The following FLI1 variants were observed in gnomAD, a reference collection of about 807,000 sequenced individuals.
FLI1 encodes Friend leukemia integration 1 transcription factor.
A neutral mutation model predicts 53.1 loss-of-function variants in FLI1; 13 were observed. The observed-to-expected ratio is 0.24, with a 90% CI of 0.16 to 0.39. FLI1 has a LOEUF of 0.39. FLI1 is among the 10% of genes least tolerant of loss of function. The pLI is 1.00. For missense variants in FLI1, 424 were observed against 600.5 expected, an observed-to-expected ratio of 0.71 and a Z score of 3.07; for synonymous variants, 244 against 236.7, an observed-to-expected ratio of 1.03 and a Z score of -0.28.
chr11:128,731,059 A>G (rs1939676216), intron 1 of FLI1, among the ~76,000 whole-genome samples: 1 of 152,228 alleles, frequency 6.6e-6, no homozygotes. Context: ...CCCGTGAAAG[A>G]AGTTCATAAT....
chr11:128,775,841 T>C (rs1193534967), intron 4 of FLI1, among the ~76,000 whole-genome samples: 6 of 152,020 alleles, frequency 3.9e-5, no homozygotes, highest in African/African-American at 1.5e-4. Context: ...AAGAGATGGA[T>C]GGAAAATAGC....
intron 3 of FLI1, among the ~76,000 whole-genome samples, chr11:128,771,177 T>C (rs1166679755): frequency 1.3e-5 from 2 of 152,200 alleles, no homozygotes; most frequent in Admixed American, 6.5e-5. Context: ...GCGGAGCAGG[T>C]GGCACATAGC....
chr11:128,810,354 A>C lies in FLI1; in HGVS notation c.830-105A>C. ...CGATCCCAATGTCGAAGGAAACAAA[A>C]GGTTTCTTTAAAAGGATGAGAAGCT... On this transcript the variant is annotated intron_variant, in intron 8 of 8. Coordinates refer to ENST00000527786, the MANE Select transcript of FLI1 (RefSeq NM_002017.5). The surrounding 1 kb of genome is among the most constrained non-coding windows in gnomAD (Gnocchi z 6.6). The C allele has an allele frequency of 8.8e-7, 1 of 1,135,214 alleles. No individual in the cohort carries two copies. The highest frequency in any genetic ancestry group is 2.6e-5 in the East Asian group (1 of 38,394). 70.3% of individuals were successfully genotyped at this position (1,135,214 alleles called of 1,614,324 possible).
intron 1 of FLI1, among the ~76,000 whole-genome samples, chr11:128,756,003 A>C (rs1394855212): frequency 6.6e-6 from 1 of 152,226 alleles, no homozygotes; most frequent in Non-Finnish European, 1.5e-5. Flanking sequence ...CCCATGGAGC[A>C]GGTTGTAATT....
chr11:128,700,846 C>A (rs1385820297), intron 1 of FLI1, among the ~76,000 whole-genome samples: 1 of 152,130 alleles, frequency 6.6e-6, no homozygotes. Context: ...GTATTCCACC[C>A]TAGATGACAA....
In FLI1 at chr11:128,773,087, C is replaced by T. The variant is rs984418351; in HGVS notation, c.589+102C>T. The T allele has an allele frequency of 5.3e-5, 57 of 1,073,040 alleles. 1 individual carries two copies. The highest frequency in any genetic ancestry group is 1.6e-4 in the South Asian group (12 of 73,588). 66.5% of individuals were successfully genotyped at this position (1,073,040 alleles called of 1,614,324 possible). A position where few individuals can be genotyped will look rare whatever the true frequency, so the allele number is the denominator to read the frequency against. On this transcript the variant is annotated intron_variant, in intron 4 of 8. Coordinates refer to ENST00000527786, the MANE Select transcript of FLI1 (RefSeq NM_002017.5). ...CCCGTTCGTGTTGGGCAGATGCCGC[C>T]GGAGCAGCATCGTGGGGCCTGTAGT...
chr11:128,796,923 C>T (rs1942461184), intron 5 of FLI1, among the ~76,000 whole-genome samples: 1 of 152,142 alleles, frequency 6.6e-6, no homozygotes, highest in South Asian at 2.1e-4. Flanking sequence ...TGCAGTGAGC[C>T]GAGATTGCGC....
At chr11:128,753,797 C>G (rs763986631) in intron 1 of FLI1, among the ~76,000 whole-genome samples, 7 of 152,310 alleles carry the variant, frequency 4.6e-5, no homozygotes, top group Non-Finnish European at 8.8e-5. Flanking sequence ...CTCTTGTTTG[C>G]CTCCTCCGTC....
At chr11:128,709,193 C>T (rs915014441) in intron 1 of FLI1, among the ~76,000 whole-genome samples, 3 of 152,088 alleles carry the variant, frequency 2.0e-5, no homozygotes, top group South Asian at 2.1e-4. Context: ...TAATGCATAA[C>T]GTTAATTTTT....
intron 2 of FLI1, among the ~76,000 whole-genome samples, chr11:128,759,092 C>A (rs751777977): frequency 9.2e-5 from 14 of 152,194 alleles, no homozygotes; most frequent in Non-Finnish European, 1.5e-4. Context: ...AGGGAAAGGA[C>A]CTGGGATGGT....
At position 128,694,141 on chromosome 11, in the gene FLI1, A is replaced by C. The variant is rs1937906995; in HGVS notation, c.-118A>C. On this transcript the variant is annotated 5_prime_UTR_variant, in exon 1 of 9. Coordinates refer to ENST00000527786, the MANE Select transcript of FLI1 (RefSeq NM_002017.5). ...GGCAGGGCGCTCGCAGGGGGCACGC[A>C]GGGAGGGCCCAGGGCGCCAGGGAGG... 8.9e-7 allele frequency: 1 copy of C among 1,119,170 alleles called. No homozygotes were observed. The highest frequency in any genetic ancestry group is 1.6e-5 in the African/African-American group (1 of 60,958). The allele number at this position is 1,119,170 out of a possible 1,614,324, so 69.3% of individuals were successfully genotyped here. A position where few individuals can be genotyped will look rare whatever the true frequency, so the allele number is the denominator to read the frequency against.
intron 1 of FLI1, among the ~76,000 whole-genome samples, chr11:128,716,315 C>T (rs549476884): frequency 1.3e-5 from 2 of 152,102 alleles, no homozygotes; most frequent in Non-Finnish European, 2.9e-5. Flanking sequence ...ATAAACAGAT[C>T]CTCAGCAGCA....
chr11:128,780,207 A>G (rs1312476847), intron 4 of FLI1, among the ~76,000 whole-genome samples: 1 of 152,204 alleles, frequency 6.6e-6, no homozygotes, highest in Non-Finnish European at 1.5e-5. Context: ...ACATAGCCAC[A>G]CTTTGGCATA....
At chr11:128,685,781 T>C (rs938251904), upstream of FLI1, among the ~76,000 whole-genome samples, 1 of 149,578 alleles carries the variant, frequency 6.7e-6, no homozygotes, top group Non-Finnish European at 1.5e-5. Flanking sequence ...AGAAACACAT[T>C]GGCTGCCAGA....
intron 1 of FLI1, among the ~76,000 whole-genome samples, chr11:128,726,079 T>C (rs553893398): frequency 6.6e-6 from 1 of 152,278 alleles, no homozygotes; most frequent in Non-Finnish European, 1.5e-5. Flanking sequence ...GACCAGCTGC[T>C]ACTATCACAT....
chr11:128,719,478 A>C (rs937057356), intron 1 of FLI1, among the ~76,000 whole-genome samples: 2 of 151,800 alleles, frequency 1.3e-5, no homozygotes, highest in Admixed American at 1.3e-4. Flanking sequence ...TAGATGTGAC[A>C]TTGTGAAGTT....
intron 1 of FLI1, among the ~76,000 whole-genome samples, chr11:128,751,336 C>A (rs1301058224): frequency 6.6e-6 from 1 of 151,316 alleles, no homozygotes; most frequent in Non-Finnish European, 1.5e-5. Context: ...TCAGCATTGG[C>A]CTTCATTAAA....
Position 128,812,534 on chromosome 11 carries a change from C to G in FLI1, c.*1546C>G, listed in dbSNP as rs919249482. The G allele has an allele frequency of 7.1e-5, 16 of 224,658 alleles. No homozygotes were observed. The highest frequency in any genetic ancestry group is 2.6e-3 in the Middle Eastern group (2 of 764). The allele number at this position is 224,658 out of a possible 1,614,324, so 13.9% of individuals were successfully genotyped here. ...TTTTTCGAATGTACCTACTGCAGTA[C>G]AGCAGAAGGTAAAAAATCAGTGTGG... On this transcript the variant is annotated 3_prime_UTR_variant, in exon 9 of 9. Transcript: ENST00000527786.
Position 128,767,830 on chromosome 11 carries a change from G to A in FLI1, c.231-288G>A, listed in dbSNP as rs559774682. Among the ~76,000 whole-genome samples the A allele has an allele frequency of 2.0e-5, 3 of 152,318 alleles. No homozygotes were observed. In the South Asian group the frequency reaches 6.2e-4, roughly 32 times the overall value. ...TAAAAATGTAAGCTGCAGTCAGACA[G>A]GGAGGGCTGCGATGCCACACAAAGA... On this transcript the variant is annotated intron_variant, in intron 2 of 8. Transcript: ENST00000527786.
Sources: allele counts gnomAD v4.1 joint callset (sites outside exome capture counted in the v4.1 genomes callset), GRCh38; gene constraint gnomAD v4.1.1; non-coding constraint Gnocchi (gnomAD v3.1); transcripts MANE v1.5; gene names NCBI Gene and HGNC (gene_info 2026-07-23, HGNC 2026-07-21).